Variants in DNAH11 observed in about 807,000 individuals in gnomAD.
DNAH11 encodes axonemal beta dynein heavy chain 11.
In DNAH11, 442 loss-of-function variants were observed where a neutral mutation model predicts 526.0. That is an observed-to-expected ratio of 0.84 (90% CI 0.78 to 0.91). The LOEUF (loss-of-function observed/expected upper bound fraction) is 0.91, where lower values mean the gene tolerates loss of function less well. Among genes scored for constraint, DNAH11 ranks in the 40% least tolerant of loss-of-function variants. DNAH11 has a pLI of 0.00. For missense variants in DNAH11, 6,989 were observed against 5,448.7 expected, an observed-to-expected ratio of 1.28 and a Z score of -8.90; for synonymous variants, 2,461 against 1,935.9, an observed-to-expected ratio of 1.27 and a Z score of -7.12.
intron 21 of DNAH11, among the ~76,000 whole-genome samples, chr7:21,616,002 C>G (rs1785760254): frequency 6.6e-6 from 1 of 152,134 alleles, no homozygotes; most frequent in Non-Finnish European, 1.5e-5. Context: ...ATTAATATAT[C>G]ATAATGTTTT....
rs17144828 is a variant in DNAH11, at chr7:21,637,941, T to G, written c.4817+239T>G. On this transcript the variant is annotated intron_variant, in intron 27 of 81. Transcript: ENST00000409508. ...GAGAGGAGTATTATACTAGTAAAAT[T>G]AGAGTATCTTATTATCAAGAGAATT... is the stretch of plus-strand genomic sequence containing the variant. Among the ~76,000 whole-genome samples the G allele has an allele frequency of 0.11, 16,665 of 152,116 alleles. 1,543 individuals are homozygous for G. The highest frequency in any genetic ancestry group is 0.25 in the Admixed American group (3,811 of 15,260).
intron 36 of DNAH11, among the ~76,000 whole-genome samples, chr7:21,700,553 G>A (rs537909137): frequency 1.8e-4 from 27 of 152,072 alleles, no homozygotes; most frequent in African/African-American, 6.3e-4. Flanking sequence ...TCCCATTGTT[G>A]CCCTCAAAGT....
At chr7:21,735,586 G>C in intron 45 of DNAH11, 54 bp from the exon 46 acceptor site, 1 of 1,502,024 alleles carries the variant, frequency 6.7e-7, no homozygotes, top group Non-Finnish European at 9.0e-7. Flanking sequence ...CCTCTCTCTC[G>C]CACGCACTCT....
intron 54 of DNAH11, among the ~76,000 whole-genome samples, chr7:21,761,129 C>T (rs76548271): frequency 0.099 from 15,086 of 152,134 alleles, 1,156 homozygotes; most frequent in East Asian, 0.4. Flanking sequence ...GAATAACCAA[C>T]GGTTTCCAGA....
At chr7:21,802,566 A>T (rs1684772057) in intron 62 of DNAH11, among the ~76,000 whole-genome samples, 1 of 152,196 alleles carries the variant, frequency 6.6e-6, no homozygotes, top group South Asian at 2.1e-4. Flanking sequence ...GAAACAACCC[A>T]CATGTCCCTT....
In DNAH11 at chr7:21,711,713, T is replaced by C. The variant is rs1326743150; in HGVS notation, c.6836T>C (p.Val2279Ala). 6.2e-7 allele frequency: 1 copy of C among 1,613,512 alleles called. No homozygotes were observed. Among genetic ancestry groups the C allele is most frequent in the South Asian group, 1.1e-5 (1 of 91,040 alleles). ...GTGACAGTGTGCTGCTCACTCCAGG[T>C]GCTGACCCTCGCCAGCAATGAGCGC... ...SLNTVMDDNK[V>A]LTLASNERIA... is the part of the protein sequence containing the mutation. Residue 2279 changes from valine (V) to alanine (A), a missense_variant and splice_region_variant, in exon 42 of 82, where the codon GTG (valine) becomes GCG (alanine). By Grantham distance (64) the Val-to-Ala change is moderately conservative (BLOSUM62 0). Transcript: ENST00000409508.
At chr7:21,581,667 A>G (rs1367691290) in intron 8 of DNAH11, among the ~76,000 whole-genome samples, 1 of 152,234 alleles carries the variant, frequency 6.6e-6, no homozygotes, top group Non-Finnish European at 1.5e-5. Context: ...ACTGAAAAGA[A>G]TCGGGAAAGC....
intron 66 of DNAH11, among the ~76,000 whole-genome samples, chr7:21,849,254 A>G (rs1414484454): frequency 1.3e-5 from 2 of 152,076 alleles, no homozygotes; most frequent in East Asian, 1.9e-4. Flanking sequence ...GACTATTCTC[A>G]TTTCCTCCCT....
intron 18 of DNAH11, among the ~76,000 whole-genome samples, chr7:21,605,632 G>A (rs1785249894): frequency 6.6e-6 from 1 of 152,150 alleles, no homozygotes; most frequent in South Asian, 2.1e-4. Context: ...AGAATGTACA[G>A]AGCTTTGGGA....
chr7:21,568,712 G>C (rs1003734213), intron 6 of DNAH11, among the ~76,000 whole-genome samples: 1 of 152,164 alleles, frequency 6.6e-6, no homozygotes, highest in African/African-American at 2.4e-5. Flanking sequence ...CTTGTCCTAG[G>C]GATGTTACTT....
rs2128452309 is a variant in DNAH11, at chr7:21,615,170, TC to T, written c.3910del (p.Arg1304ValfsTer13). On this transcript the variant is annotated frameshift_variant, in exon 21 of 82. Transcript: ENST00000409508. LOFTEE classifies it high-confidence loss of function. ...EEMLQMQEST[R>X]LFEVALPEYK... is the part of the protein sequence containing the mutation. Reference sequence around the variant, plus strand: ...AAATGTTGCAGATGCAAGAATCTACTCGTCTTTTTGAAGTGGCTCTTCCAGA... The same window carrying T: ...AAATGTTGCAGATGCAAGAATCTACTGTCTTTTTGAAGTGGCTCTTCCAGA... 9 of 1,613,114 alleles carry T rather than the reference TC, an allele frequency of 5.6e-6. No homozygotes were observed. Among genetic ancestry groups the T allele is most frequent in the Non-Finnish European group, 5.9e-6 (7 of 1,179,478 alleles).
intron 68 of DNAH11, 82 bp downstream of exon 68, chr7:21,854,537 GATAATA>G: frequency 3.1e-6 from 4 of 1,301,456 alleles, no homozygotes; most frequent in East Asian, 2.6e-5. Flanking sequence ...TTTTATTATT[GATAATA>G]ATAATAACTA....
chr7:21,689,744 A>G lies in DNAH11; in HGVS notation c.5925-1021A>G, dbSNP rs1461393845. ...TAGTGTCTAAAGCACCCTTAGTCCT[A>G]AACACTGTGGTTTCTTTCTGTGTTT... is the stretch of plus-strand genomic sequence containing the variant. On this transcript the variant is annotated intron_variant, in intron 34 of 81. Coordinates refer to ENST00000409508, the MANE Select transcript of DNAH11 (RefSeq NM_001277115.2). Among the ~76,000 whole-genome samples, 3 of 152,338 alleles carry G rather than the reference A, an allele frequency of 2.0e-5. No individual in the cohort carries two copies. The East Asian group carries it at 5.8e-4, about 29-fold the overall frequency.
chr7:21,692,757 A>G (rs984022230), intron 35 of DNAH11, among the ~76,000 whole-genome samples: 2 of 152,244 alleles, frequency 1.3e-5, no homozygotes, highest in African/African-American at 4.8e-5. Context: ...TCTGGTTTCC[A>G]AAGTGATTTT....
At chr7:21,687,048 T>C in intron 32 of DNAH11, 51 bp from the exon 33 acceptor site, 1 of 1,543,576 alleles carries the variant, frequency 6.5e-7, no homozygotes, top group South Asian at 1.3e-5. Flanking sequence ...TCTGATGTTT[T>C]ATGAAAATCT....
intron 66 of DNAH11, chr7:21,851,683 C>T (rs973466902): frequency 8.9e-5 from 42 of 470,694 alleles, no homozygotes; most frequent in Non-Finnish European, 1.7e-4. Context: ...GACTGGGCCC[C>T]TCTGAAGTTT....
chr7:21,660,803 A>AC (rs1474552209), intron 30 of DNAH11, among the ~76,000 whole-genome samples: 1 of 152,106 alleles, frequency 6.6e-6, no homozygotes, highest in Non-Finnish European at 1.5e-5. Flanking sequence ...CTATAGATAC[A>AC]CATTTTAAAA....
chr7:21,839,449 C>G (rs1370554081), intron 65 of DNAH11, among the ~76,000 whole-genome samples: 2 of 151,760 alleles, frequency 1.3e-5, no homozygotes, highest in African/African-American at 4.8e-5. Flanking sequence ...GTGGTGGGCG[C>G]CTGTAGTCCC....
At chr7:21,597,514 G>A (rs564164288) in intron 14 of DNAH11, among the ~76,000 whole-genome samples, 7 of 152,278 alleles carry the variant, frequency 4.6e-5, no homozygotes, top group Non-Finnish European at 7.4e-5. Context: ...GGAGGCCTCA[G>A]GAAACTTACA....
Sources: gnomAD v4.1 joint callset for allele counts (sites outside exome capture counted in the v4.1 genomes callset) on GRCh38, gnomAD v4.1.1 for gene constraint, MANE v1.5 for transcripts, NCBI Gene and HGNC (gene_info 2026-07-23, HGNC 2026-07-21) for gene names.